The following TMEM131L variants were observed in gnomAD, a reference collection of about 807,000 sequenced individuals.
The protein encoded by TMEM131L is transmembrane 131 like, also known as transmembrane protein 131-like.
A neutral mutation model predicts 192.2 loss-of-function variants in TMEM131L; 54 were observed. The observed-to-expected ratio is 0.28, with a 90% confidence interval of 0.23 to 0.35. The LOEUF (loss-of-function observed/expected upper bound fraction) is 0.35, where lower values mean the gene tolerates loss of function less well. Ranked by LOEUF, TMEM131L falls within the 10% of genes least tolerant of loss-of-function variation. TMEM131L has a pLI of 1.00. For missense variants in TMEM131L, 1,888 were observed against 1,972.9 expected (o/e 0.96, Z 0.82); for synonymous variants, 701 against 704.9 (o/e 0.99, Z 0.09).
chr4:153,571,059 T>C (rs997887364), intron 7 of TMEM131L, among the ~76,000 whole-genome samples: 6 of 152,226 alleles, frequency 3.9e-5, no homozygotes, highest in Admixed American at 3.9e-4. Flanking sequence ...GATATTTATT[T>C]TCCCTTTAGA....
At chr4:153,633,390 ATTTT>A (rs11292431) in intron 32 of TMEM131L, 9 of 111,384 alleles carry the variant, frequency 8.1e-5, no homozygotes, top group African/African-American at 1.3e-4. Flanking sequence ...CTAATTTTTA[ATTTT>A]TTTTTTTTTT....
At chr4:153,522,002 A>G (rs560574996) in intron 3 of TMEM131L, among the ~76,000 whole-genome samples, 31 of 152,210 alleles carry the variant, frequency 2.0e-4, no homozygotes, top group Non-Finnish European at 3.7e-4. Context: ...ATTTTGGTGT[A>G]TGTGCTTCTA....
chr4:153,601,724 G>A (rs1342880042), intron 21 of TMEM131L, among the ~76,000 whole-genome samples: 1 of 152,178 alleles, frequency 6.6e-6, no homozygotes, highest in Non-Finnish European at 1.5e-5. Flanking sequence ...TTATACAGAA[G>A]CACTTATACA....
At chr4:153,578,821 T>A (rs1026623806) in intron 7 of TMEM131L, among the ~76,000 whole-genome samples, 31 of 149,110 alleles carry the variant, frequency 2.1e-4, no homozygotes, top group African/African-American at 7.6e-4. Flanking sequence ...TGCCTGGCCA[T>A]TTTTTTTTGT....
At chr4:153,521,473 T>C (rs929213252) in intron 3 of TMEM131L, among the ~76,000 whole-genome samples, 1 of 152,212 alleles carries the variant, frequency 6.6e-6, no homozygotes, top group Admixed American at 6.5e-5. Context: ...ACCAAATACA[T>C]TCCTGAAAAC....
intron 2 of TMEM131L, among the ~76,000 whole-genome samples, chr4:153,471,381 T>C (rs1731149813): frequency 6.6e-6 from 1 of 152,188 alleles, no homozygotes; most frequent in Admixed American, 6.5e-5. Flanking sequence ...GGTGCCCTGC[T>C]GTGGCCACAG....
chr4:153,526,517 G>C (rs1327588152), intron 3 of TMEM131L, among the ~76,000 whole-genome samples: 1 of 151,968 alleles, frequency 6.6e-6, no homozygotes, highest in African/African-American at 2.4e-5. Context: ...GGTGGATCAC[G>C]AGGTCAGGAG....
At chr4:153,613,184 C>T (rs762778517) in intron 26 of TMEM131L, among the ~76,000 whole-genome samples, 11 of 152,018 alleles carry the variant, frequency 7.2e-5, no homozygotes, top group Admixed American at 1.3e-4. Context: ...ATCAAGTTAA[C>T]GAAATTTATC....
Position 153,561,949 on chromosome 4 carries a change from A to T in TMEM131L, c.660+3581A>T, listed in dbSNP as rs187875406. ...GGTCTTTTCTTAGAAACCAGTATTT[A>T]AAAATCTGAATATCAAAAAAAAAAA... On this transcript the variant is annotated intron_variant, in intron 7 of 34. Transcript: ENST00000409959. Among the ~76,000 whole-genome samples, 32 of 143,516 alleles carry T rather than the reference A, an allele frequency of 2.2e-4. No homozygotes were observed. In the East Asian group the frequency reaches 5.4e-3, roughly 24 times the overall value. 94.2% of individuals were successfully genotyped at this position (143,516 alleles called of 152,430 possible). A position where few individuals can be genotyped will look rare whatever the true frequency, so the allele number is the denominator to read the frequency against.
At chr4:153,491,726 A>C (rs1008176202) in intron 3 of TMEM131L, among the ~76,000 whole-genome samples, 5 of 151,626 alleles carry the variant, frequency 3.3e-5, no homozygotes, top group African/African-American at 1.2e-4. Context: ...TCTGTTTTTG[A>C]GACAGTGTCT....
chr4:153,489,276 C>G (rs1227470515), intron 3 of TMEM131L, among the ~76,000 whole-genome samples: 1 of 152,166 alleles, frequency 6.6e-6, no homozygotes, highest in East Asian at 1.9e-4. Flanking sequence ...AAGCTTCCTT[C>G]CTGAGAGCTG....
intron 3 of TMEM131L, among the ~76,000 whole-genome samples, chr4:153,507,427 C>G (rs1226397044): frequency 6.6e-6 from 1 of 152,176 alleles, no homozygotes; most frequent in African/African-American, 2.4e-5. Flanking sequence ...TAGTAGAAGA[C>G]TGTGTTTACA....
intron 30 of TMEM131L, 62 bp downstream of exon 30, chr4:153,626,287 TTG>T: frequency 9.5e-7 from 1 of 1,053,338 alleles, no homozygotes; most frequent in South Asian, 1.4e-5. Context: ...CTACCAATTA[TTG>T]TGTTTCTTCT....
Position 153,596,325 on chromosome 4 carries a change from G to A in TMEM131L, c.2063G>A (p.Arg688Lys), listed in dbSNP as rs777221578. The change falls in exon 20 of 35, where the codon AGG becomes AAG. Residue 688 changes from arginine (R) to lysine (K), a missense_variant. Coordinates refer to ENST00000409959, the MANE Select transcript of TMEM131L (RefSeq NM_001131007.2). The stretch of plus-strand genomic sequence containing the variant: ...CATCTGCAGCCTTTGGAAATGAAAA[G>A]GGTTGGCGTAGTTTTCACACCTGCT... ...HLHLQPLEMK[R>K]VGVVFTPADY... is the part of the protein sequence containing the mutation. 1.8e-5 allele frequency: 29 copies of A among 1,613,878 alleles called. No individual in the cohort carries two copies. Among genetic ancestry groups the A allele is most frequent in the Admixed American group, 6.7e-5 (4 of 60,006 alleles).
At chr4:153,626,944 T>G (rs1733884761) in intron 30 of TMEM131L, among the ~76,000 whole-genome samples, 1 of 152,206 alleles carries the variant, frequency 6.6e-6, no homozygotes, top group African/African-American at 2.4e-5. Context: ...TCTGCAGCAC[T>G]GGACAAAATA....
chr4:153,493,415 C>A (rs368477817), intron 3 of TMEM131L, among the ~76,000 whole-genome samples: 1 of 150,256 alleles, frequency 6.7e-6, no homozygotes, highest in Non-Finnish European at 1.5e-5. Flanking sequence ...AATCCCAGCA[C>A]TTTGGGAGGC....
At chr4:153,477,372 A>G (rs938618232) in intron 3 of TMEM131L, among the ~76,000 whole-genome samples, 1 of 152,212 alleles carries the variant, frequency 6.6e-6, no homozygotes, top group African/African-American at 2.4e-5. Context: ...TGTGCAGCCC[A>G]TAGAGAGCTG....
chr4:153,612,754 G>T (rs1732722150), intron 26 of TMEM131L, among the ~76,000 whole-genome samples: 1 of 151,902 alleles, frequency 6.6e-6, no homozygotes, highest in Non-Finnish European at 1.5e-5. Context: ...ATTGCTTTTT[G>T]TCTGTCTTTG....
At chr4:153,575,577 C>T (rs1453918952) in intron 7 of TMEM131L, among the ~76,000 whole-genome samples, 1 of 152,208 alleles carries the variant, frequency 6.6e-6, no homozygotes, top group South Asian at 2.1e-4. Flanking sequence ...CTCTTAACCC[C>T]TCCAAGCCAC....
Sources: allele counts gnomAD v4.1 joint callset (sites outside exome capture counted in the v4.1 genomes callset), GRCh38; gene constraint gnomAD v4.1.1; transcripts MANE v1.5; gene names NCBI Gene and HGNC (gene_info 2026-07-23, HGNC 2026-07-21).